Variants in WFDC11 observed in about 807,000 individuals in gnomAD.
WFDC11 encodes protein WFDC11.
A neutral mutation model predicts 9.9 loss-of-function variants in WFDC11; 9 were observed. That is an observed-to-expected ratio of 0.91 (90% CI 0.55 to 1.58). The LOEUF (loss-of-function observed/expected upper bound fraction) is 1.58, where lower values mean the gene tolerates loss of function less well. WFDC11 is among the 40% of genes most tolerant of loss of function. The pLI is 0.00. For missense variants in WFDC11, 106 were observed against 101.7 expected (o/e 1.04, Z -0.18); for synonymous variants, 32 against 33.3 (o/e 0.96, Z 0.13).
Position 45,663,667 on chromosome 20 carries a change from C to G in WFDC11, c.-52+3421G>C, listed in dbSNP as rs937153955. 1.6e-4 allele frequency among the ~76,000 whole-genome samples: 25 copies of G among 152,126 alleles called. 1 individual carries two copies. The highest frequency in any genetic ancestry group is 5.8e-4 in the African/African-American group (24 of 41,434). ...GTTTCAAAGAACATCTTTATTTCTGCCTTCATTTTGTTATTTACCTAGTAG... is the reference window on the plus strand; with the variant it reads ...GTTTCAAAGAACATCTTTATTTCTGGCTTCATTTTGTTATTTACCTAGTAG... On this transcript the variant is annotated intron_variant, in intron 2 of 4. Coordinates refer to ENST00000324384, the MANE Select transcript of WFDC11 (RefSeq NM_147197.2).
chr20:45,659,627 G>A (rs947642642), intron 2 of WFDC11, among the ~76,000 whole-genome samples: 9 of 152,076 alleles, frequency 5.9e-5, no homozygotes, highest in Admixed American at 2.6e-4. Flanking sequence ...TTTGTCAGAC[G>A]GATAGATTGC....
chr20:45,665,118 T>A (rs140596912), intron 2 of WFDC11, among the ~76,000 whole-genome samples: 1 of 152,224 alleles, frequency 6.6e-6, no homozygotes, highest in Non-Finnish European at 1.5e-5. Flanking sequence ...TCATTTCTTT[T>A]TACTCTTTTT....
At chr20:45,666,513 G>T (rs766410407) in intron 2 of WFDC11, among the ~76,000 whole-genome samples, 6 of 152,328 alleles carry the variant, frequency 3.9e-5, no homozygotes, top group South Asian at 2.1e-4. Flanking sequence ...CATTGATCAC[G>T]CTGGGAGCTG....
intron 1 of WFDC11, among the ~76,000 whole-genome samples, chr20:45,668,938 G>A (rs1983240642): frequency 6.6e-6 from 1 of 152,134 alleles, no homozygotes; most frequent in South Asian, 2.1e-4. Context: ...TAGAAATACA[G>A]ATAATTCAAT....
intron 2 of WFDC11, among the ~76,000 whole-genome samples, chr20:45,657,133 C>T (rs1012302163): frequency 7.2e-5 from 11 of 152,146 alleles, no homozygotes; most frequent in East Asian, 1.9e-4. Context: ...CACATGCACA[C>T]GTATGTTTAT....
chr20:45,664,031 G>A (rs534168685), intron 2 of WFDC11, among the ~76,000 whole-genome samples: 1 of 152,260 alleles, frequency 6.6e-6, no homozygotes, highest in South Asian at 2.1e-4. Context: ...GGGTGTTAAA[G>A]TCTCCCATTA....
intron 1 of WFDC11, among the ~76,000 whole-genome samples, chr20:45,669,676 T>G (rs531129620): frequency 6.6e-6 from 1 of 152,196 alleles, no homozygotes; most frequent in East Asian, 1.9e-4. Context: ...ATTAAACCAG[T>G]GTTGAGAGGA....
intron 2 of WFDC11, among the ~76,000 whole-genome samples, chr20:45,661,356 A>C (rs1983060513): frequency 6.6e-6 from 1 of 151,700 alleles, no homozygotes; most frequent in East Asian, 1.9e-4. Context: ...ATTTTCTCCC[A>C]TTTTGTAGGT....
Position 45,661,005 on chromosome 20 carries a change from A to G in WFDC11, c.-52+6083T>C, listed in dbSNP as rs550870376. On this transcript the variant is annotated intron_variant, in intron 2 of 4. Transcript: ENST00000324384. The stretch of plus-strand genomic sequence containing the variant: ...AGGAATCTCCACACTGACTTCCACA[A>G]TGGTTGAACTAGTTTACAGTCCCAC... Among the ~76,000 whole-genome samples the G allele has an allele frequency of 1.9e-3, 292 of 152,282 alleles. 1 individual carries two copies. Among genetic ancestry groups the G allele is most frequent in the Middle Eastern group, 0.014 (4 of 294 alleles).
chr20:45,652,020 C>T (rs953303983), intron 2 of WFDC11, among the ~76,000 whole-genome samples: 1 of 152,200 alleles, frequency 6.6e-6, no homozygotes, highest in Non-Finnish European at 1.5e-5. Context: ...AGGGCATTGC[C>T]AAACAAAAGG....
intron 2 of WFDC11, among the ~76,000 whole-genome samples, chr20:45,664,121 A>G (rs1173726107): frequency 1.3e-5 from 2 of 152,200 alleles, no homozygotes; most frequent in East Asian, 1.9e-4. Context: ...TATTGGGTGC[A>G]TATATATTTA....
At chr20:45,653,495 C>T (rs1982855730) in intron 2 of WFDC11, among the ~76,000 whole-genome samples, 1 of 151,944 alleles carries the variant, frequency 6.6e-6, no homozygotes, top group African/African-American at 2.4e-5. Context: ...TTGTAAAGAC[C>T]ATCGAGACTA....
chr20:45,652,125 C>A (rs537638803), intron 2 of WFDC11, among the ~76,000 whole-genome samples: 46 of 152,330 alleles, frequency 3.0e-4, no homozygotes, highest in Non-Finnish European at 5.7e-4. Flanking sequence ...TGAGAACAGA[C>A]AGACTGCCTT....
At chr20:45,651,123 G>A (rs1405278517) in intron 2 of WFDC11, among the ~76,000 whole-genome samples, 1 of 152,102 alleles carries the variant, frequency 6.6e-6, no homozygotes, top group Non-Finnish European at 1.5e-5. Context: ...GTATTCATGA[G>A]TTCTCATCAT....
chr20:45,666,191 C>T (rs898410446), intron 2 of WFDC11, among the ~76,000 whole-genome samples: 4 of 152,244 alleles, frequency 2.6e-5, no homozygotes, highest in African/African-American at 4.8e-5. Context: ...GCTGCACTAG[C>T]AGTGAGCAAG....
At chr20:45,663,127 C>A (rs1415712778) in intron 2 of WFDC11, among the ~76,000 whole-genome samples, 9 of 152,160 alleles carry the variant, frequency 5.9e-5, no homozygotes, top group Non-Finnish European at 2.9e-5. Context: ...AGAGATTCAA[C>A]TTCTTCCTGG....
At chr20:45,657,088 T>C (rs902719160) in intron 2 of WFDC11, among the ~76,000 whole-genome samples, 2 of 152,160 alleles carry the variant, frequency 1.3e-5, no homozygotes, top group East Asian at 1.9e-4. Context: ...ACTGGGTATA[T>C]ACCCAAAGGA....
intron 2 of WFDC11, among the ~76,000 whole-genome samples, chr20:45,656,886 C>T (rs1287092572): frequency 1.3e-5 from 2 of 152,218 alleles, no homozygotes; most frequent in Admixed American, 1.3e-4. Flanking sequence ...CAATGGGATA[C>T]CATCTCACAC....
chr20:45,659,989 C>CT (rs1193175876), intron 2 of WFDC11, among the ~76,000 whole-genome samples: 1 of 151,958 alleles, frequency 6.6e-6, no homozygotes, highest in Non-Finnish European at 1.5e-5. Flanking sequence ...CTATTGCTTG[C>CT]TTTTTTCAGC....
Sources: gnomAD v4.1 joint callset for allele counts (sites outside exome capture counted in the v4.1 genomes callset) on GRCh38, gnomAD v4.1.1 for gene constraint, MANE v1.5 for transcripts, NCBI Gene and HGNC (gene_info 2026-07-23, HGNC 2026-07-21) for gene names.